Variants in DYM observed in about 807,000 individuals in gnomAD.
DYM encodes the protein dymeclin, also known as dyggve-Melchior-Clausen syndrome protein.
DYM carries 78 observed loss-of-function variants against 93.1 expected under a neutral mutation model. That is an observed-to-expected ratio of 0.84 (90% CI 0.70 to 1.01). The LOEUF (loss-of-function observed/expected upper bound fraction) is 1.01, where lower values mean the gene tolerates loss of function less well. Among genes scored for constraint, DYM ranks in the 50% least tolerant of loss-of-function variants. The probability of loss-of-function intolerance (pLI) is 0.00; values close to 1 mark genes in which losing one functional copy is unlikely to be tolerated. For missense variants in DYM, 789 were observed against 845.0 expected, an observed-to-expected ratio of 0.93 and a Z score of 0.82; for synonymous variants, 321 against 319.7, an observed-to-expected ratio of 1.00 and a Z score of -0.04.
intron 8 of DYM, among the ~76,000 whole-genome samples, chr18:49,313,390 G>A (rs1375108716): frequency 6.8e-6 from 1 of 147,702 alleles, no homozygotes; most frequent in African/African-American, 2.5e-5. Flanking sequence ...TTGAACCAGG[G>A]GGGCGGAGGT....
intron 14 of DYM, among the ~76,000 whole-genome samples, chr18:49,170,872 G>C (rs1444701120): frequency 7.0e-6 from 1 of 142,604 alleles, no homozygotes; most frequent in Non-Finnish European, 1.5e-5. Context: ...ACTTAAATAA[G>C]AAGTAGGAGA....
At chr18:49,175,367 T>C (rs1207624507) in intron 14 of DYM, among the ~76,000 whole-genome samples, 1 of 152,174 alleles carries the variant, frequency 6.6e-6, no homozygotes, top group Non-Finnish European at 1.5e-5. Flanking sequence ...AGTTTAAAAA[T>C]CTTATCTTTA....
intron 8 of DYM, among the ~76,000 whole-genome samples, chr18:49,317,551 T>TTGTCTCTCTCTCTCTCTCTCTC (rs1555690209): frequency 1.7e-4 from 5 of 29,370 alleles, no homozygotes; most frequent in East Asian, 7.5e-4. Context: ...CCATCTAGAT[T>TTGTCTCTCTCTCTCTCTCTCTC]TCTCTCTCTC....
At chr18:49,142,500 G>A (rs569734111) in intron 15 of DYM, among the ~76,000 whole-genome samples, 2 of 152,286 alleles carry the variant, frequency 1.3e-5, no homozygotes, top group East Asian at 1.9e-4. Flanking sequence ...TTCTGAAAAA[G>A]AGGATGCATG....
chr18:49,175,283 C>T (rs892828932), intron 14 of DYM, among the ~76,000 whole-genome samples: 1 of 152,130 alleles, frequency 6.6e-6, no homozygotes, highest in Non-Finnish European at 1.5e-5. Context: ...CGTTCTTACT[C>T]CAATAAAAGA....
chr18:49,365,290 T>TA (rs2066421874), intron 5 of DYM, among the ~76,000 whole-genome samples: 1 of 152,120 alleles, frequency 6.6e-6, no homozygotes, highest in Non-Finnish European at 1.5e-5. Context: ...GTACAAATCT[T>TA]AAAAAGAATA....
At chr18:49,084,611 T>C (rs2078335362) in intron 17 of DYM, among the ~76,000 whole-genome samples, 2 of 152,220 alleles carry the variant, frequency 1.3e-5, no homozygotes, top group Admixed American at 1.3e-4. Flanking sequence ...GTTTCATTTA[T>C]TTTGGGGAAT....
intron 15 of DYM, among the ~76,000 whole-genome samples, chr18:49,163,344 T>A (rs2087428839): frequency 6.6e-6 from 1 of 152,108 alleles, no homozygotes; most frequent in South Asian, 2.1e-4. Flanking sequence ...AAATAATTTA[T>A]TTATTTATTA....
At chr18:49,388,362 T>C (rs2068839647) in intron 3 of DYM, among the ~76,000 whole-genome samples, 1 of 151,272 alleles carries the variant, frequency 6.6e-6, no homozygotes, top group Non-Finnish European at 1.5e-5. Context: ...AAGGAAAACA[T>C]TAGAAACTAA....
At chr18:49,124,626 T>C (rs779886836) in intron 15 of DYM, among the ~76,000 whole-genome samples, 1 of 152,230 alleles carries the variant, frequency 6.6e-6, no homozygotes, top group Non-Finnish European at 1.5e-5. Flanking sequence ...TTTTTAGAGT[T>C]ATTGGGTATT....
chr18:49,424,968 C>A (rs2074118852), intron 2 of DYM, among the ~76,000 whole-genome samples: 1 of 152,086 alleles, frequency 6.6e-6, no homozygotes, highest in Non-Finnish European at 1.5e-5. Flanking sequence ...GCCATACTGC[C>A]CAAGGTAATT....
intron 15 of DYM, among the ~76,000 whole-genome samples, chr18:49,123,830 T>C (rs1214952935): frequency 1.3e-5 from 2 of 152,194 alleles, no homozygotes; most frequent in Admixed American, 1.3e-4. Context: ...TGAATTAGTA[T>C]AGAAGGAAGA....
At chr18:49,403,964 C>T (rs772860558) in intron 2 of DYM, among the ~76,000 whole-genome samples, 2 of 151,822 alleles carry the variant, frequency 1.3e-5, no homozygotes, top group Non-Finnish European at 2.9e-5. Context: ...ATATATAGCA[C>T]ATTTTATTTA....
chr18:49,313,486 A>G (rs1312528681), intron 8 of DYM, among the ~76,000 whole-genome samples: 1 of 138,986 alleles, frequency 7.2e-6, no homozygotes, highest in African/African-American at 2.6e-5. Flanking sequence ...AAAAAAAAAA[A>G]AAAAAAAAAA....
At position 49,056,836 on chromosome 18, in the gene DYM, C is replaced by A. The variant is rs370911992; in HGVS notation, c.2026-12632G>T. Among the ~76,000 whole-genome samples, 52 of 152,290 alleles carry A rather than the reference C, an allele frequency of 3.4e-4. 1 individual carries two copies. The South Asian group carries it at 1.0e-2, about 29-fold the overall frequency. ...TGCTGCGATTACAGGCGTGAGCCAC[C>A]GCGCCCGGCCACACCTGGGTCATTT... On this transcript the variant is annotated intron_variant, in intron 17 of 17. Transcript: ENST00000675505.
At chr18:49,269,434 A>G (rs929918122) in intron 11 of DYM, among the ~76,000 whole-genome samples, 1 of 152,216 alleles carries the variant, frequency 6.6e-6, no homozygotes, top group Non-Finnish European at 1.5e-5. Context: ...GAACTAGTGT[A>G]TCATCTCACA....
At chr18:49,147,099 G>A (rs1012383933) in intron 15 of DYM, among the ~76,000 whole-genome samples, 2 of 152,026 alleles carry the variant, frequency 1.3e-5, no homozygotes, top group African/African-American at 4.8e-5. Context: ...ATGGGGAAAG[G>A]ATTCCCTATT....
At position 49,111,793 on chromosome 18, in the gene DYM, G is replaced by C. The variant is rs375078059; in HGVS notation, c.1911+6951C>G. On this transcript the variant is annotated intron_variant, in intron 16 of 17. Coordinates refer to ENST00000675505, the MANE Select transcript of DYM (RefSeq NM_001353214.3). Reference sequence around the variant, plus strand: ...TTGTTACTCAGTACTTGCTAGGCTGGTGGCAGAAGGTAGGGGATTCTCTAC... The same window carrying C: ...TTGTTACTCAGTACTTGCTAGGCTGCTGGCAGAAGGTAGGGGATTCTCTAC... Among the ~76,000 whole-genome samples, 23 of 152,246 alleles carry C rather than the reference G, an allele frequency of 1.5e-4. No homozygotes were observed. The South Asian group carries it at 4.6e-3, about 30-fold the overall frequency.
chr18:49,091,108 T>G (rs771460834), intron 17 of DYM, among the ~76,000 whole-genome samples: 1 of 152,198 alleles, frequency 6.6e-6, no homozygotes, highest in Admixed American at 6.5e-5. Flanking sequence ...AGCAGCACTT[T>G]ATGGTCAACA....
Sources: gnomAD v4.1 joint callset for allele counts (sites outside exome capture counted in the v4.1 genomes callset) on GRCh38, gnomAD v4.1.1 for gene constraint, MANE v1.5 for transcripts, NCBI Gene and HGNC (gene_info 2026-07-23, HGNC 2026-07-21) for gene names.